Variants in DRC11 observed in about 807,000 individuals in gnomAD.
The protein encoded by DRC11 is IQ and AAA domain-containing protein 1.
chr2:236,465,676 G>A, the DRC11 span: 2 of 1,612,682 alleles, frequency 1.2e-6, no homozygotes, highest in African/African-American at 1.3e-5. The surrounding 1 kb of genome is among the most constrained non-coding windows in gnomAD (Gnocchi z 6.2). Context: ...CTGGATTACT[G>A]TAGCACTGAC....
chr2:236,432,661 T>G, the DRC11 span, among the ~76,000 whole-genome samples: 2 of 152,196 alleles, frequency 1.3e-5, no homozygotes, highest in East Asian at 3.8e-4. Context: ...AAGAAAGGAC[T>G]CTTGTCTGTG....
chr2:236,485,176 T>C, the DRC11 span, among the ~76,000 whole-genome samples: 3 of 152,142 alleles, frequency 2.0e-5, no homozygotes, highest in East Asian at 3.8e-4. Flanking sequence ...CATCACCTAA[T>C]AGTTTTTAAC....
chr2:236,479,104 C>T, the DRC11 span, among the ~76,000 whole-genome samples: 3 of 152,120 alleles, frequency 2.0e-5, no homozygotes, highest in Non-Finnish European at 4.4e-5. The surrounding 1 kb of genome is among the most constrained non-coding windows in gnomAD (Gnocchi z 4.1). Context: ...GGATTACAGG[C>T]GTGAGCCACT....
chr2:236,370,704 A>G, the DRC11 span, among the ~76,000 whole-genome samples: 1 of 151,448 alleles, frequency 6.6e-6, no homozygotes, highest in African/African-American at 2.4e-5. The surrounding 1 kb of genome is among the most constrained non-coding windows in gnomAD (Gnocchi z 5.5). Context: ...GGAACTTGCT[A>G]TTTCTTGCAC....
At chr2:236,310,264 G>A in the DRC11 span, among the ~76,000 whole-genome samples, 1 of 152,160 alleles carries the variant, frequency 6.6e-6, no homozygotes, top group Non-Finnish European at 1.5e-5. This position sits in a 1 kb window ranked among gnomAD's most constrained non-coding sequence, Gnocchi z 5.5. Context: ...AAGGCCCAAG[G>A]TATCCCAAAT....
the DRC11 span, among the ~76,000 whole-genome samples, chr2:236,459,524 T>C: frequency 1.0e-5 from 1 of 96,984 alleles, no homozygotes; most frequent in African/African-American, 4.3e-5. Context: ...TATACATGTA[T>C]ACATGTATAC....
At chr2:236,391,883 G>T in the DRC11 span, 2 of 1,001,544 alleles carry the variant, frequency 2.0e-6, no homozygotes, top group Non-Finnish European at 3.1e-6. The surrounding 1 kb of genome is among the most constrained non-coding windows in gnomAD (Gnocchi z 4.5). Flanking sequence ...GGCAACAGGC[G>T]GCCCTCCTGG....
chr2:236,362,786 C>T, the DRC11 span, among the ~76,000 whole-genome samples: 7 of 152,190 alleles, frequency 4.6e-5, no homozygotes, highest in Admixed American at 3.3e-4. The surrounding 1 kb of genome is among the most constrained non-coding windows in gnomAD (Gnocchi z 5.7). Flanking sequence ...ACATTGTATA[C>T]TCTACAGTTT....
the DRC11 span, among the ~76,000 whole-genome samples, chr2:236,326,790 TG>T: frequency 7.0e-6 from 1 of 141,986 alleles, no homozygotes; most frequent in Non-Finnish European, 1.5e-5. Context: ...TTTTCAGATT[TG>T]TTGTGTGTGT....
At chr2:236,357,062 A>T in the DRC11 span, among the ~76,000 whole-genome samples, 12 of 89,824 alleles carry the variant, frequency 1.3e-4, 2 homozygotes, top group Non-Finnish European at 1.7e-4. Flanking sequence ...ATCTATTTAT[A>T]TATTCATATA....
At chr2:236,448,110 A>C in the DRC11 span, among the ~76,000 whole-genome samples, 2 of 152,268 alleles carry the variant, frequency 1.3e-5, no homozygotes. The surrounding 1 kb of genome is among the most constrained non-coding windows in gnomAD (Gnocchi z 5.3). Context: ...TAATTAGGAA[A>C]GATCTCTGCA....
chr2:236,446,615 T>C, the DRC11 span, among the ~76,000 whole-genome samples: 1 of 152,222 alleles, frequency 6.6e-6, no homozygotes, highest in Non-Finnish European at 1.5e-5. The surrounding 1 kb of genome is among the most constrained non-coding windows in gnomAD (Gnocchi z 6.2). Context: ...TTTGGATGCT[T>C]GGACACACAT....
chr2:236,436,667 A>G, the DRC11 span, among the ~76,000 whole-genome samples: 1 of 152,128 alleles, frequency 6.6e-6, no homozygotes, highest in Non-Finnish European at 1.5e-5. Flanking sequence ...TTCTGAGCAC[A>G]CTATTTTAAA....
the DRC11 span, among the ~76,000 whole-genome samples, chr2:236,420,896 T>C: frequency 1.3e-5 from 2 of 152,218 alleles, no homozygotes; most frequent in South Asian, 2.1e-4. The surrounding 1 kb of genome is among the most constrained non-coding windows in gnomAD (Gnocchi z 4.8). Context: ...ACTGGAGCAC[T>C]TGTAACACAG....
At chr2:236,408,787 G>A in the DRC11 span, 1 of 669,264 alleles carries the variant, frequency 1.5e-6, no homozygotes. The surrounding 1 kb of genome is among the most constrained non-coding windows in gnomAD (Gnocchi z 5.5). Context: ...AGGCCTTGAG[G>A]TTTGAGGGGT....
At chr2:236,397,068 G>A in the DRC11 span, among the ~76,000 whole-genome samples, 3 of 152,258 alleles carry the variant, frequency 2.0e-5, no homozygotes, top group Admixed American at 2.0e-4. This position sits in a 1 kb window ranked among gnomAD's most constrained non-coding sequence, Gnocchi z 5.0. Context: ...GAAAGCATGA[G>A]TGCCGGAGGT....
chr2:236,448,160 A>C, the DRC11 span, among the ~76,000 whole-genome samples: 1 of 152,210 alleles, frequency 6.6e-6, no homozygotes, highest in East Asian at 1.9e-4. The surrounding 1 kb of genome is among the most constrained non-coding windows in gnomAD (Gnocchi z 5.3). Context: ...AAAAACTGAG[A>C]TAATCATCCC....
chr2:236,342,855 T>C, the DRC11 span, among the ~76,000 whole-genome samples: 235 of 152,238 alleles, frequency 1.5e-3, 2 homozygotes, highest in African/African-American at 5.6e-3. The surrounding 1 kb of genome is among the most constrained non-coding windows in gnomAD (Gnocchi z 5.8). Context: ...CTAGGACTTA[T>C]CCCAGGGTGT....
the DRC11 span, chr2:236,392,276 G>A: frequency 8.8e-6 from 14 of 1,595,240 alleles, no homozygotes; most frequent in Admixed American, 7.0e-5. This position sits in a 1 kb window ranked among gnomAD's most constrained non-coding sequence, Gnocchi z 5.1. Context: ...AATTCTTTTC[G>A]TTTCTCCTCT....
Sources: gnomAD v4.1 joint callset for allele counts (sites outside exome capture counted in the v4.1 genomes callset) on GRCh38, gnomAD v4.1.1 for gene constraint, Gnocchi (gnomAD v3.1) non-coding constraint, MANE v1.5 for transcripts, NCBI Gene and HGNC (gene_info 2026-07-23, HGNC 2026-07-21) for gene names.